The following SORCS2 variants were observed in gnomAD, a reference collection of about 807,000 sequenced individuals.
SORCS2 encodes sortilin related VPS10 domain containing receptor 2, also known as VPS10 domain-containing receptor SorCS2.
SORCS2 carries 100 observed loss-of-function variants against 141.6 expected under a neutral mutation model. The ratio of observed to expected loss-of-function variants is 0.71; its 90% CI spans 0.60 to 0.83. The LOEUF is 0.83. Among genes scored for constraint, SORCS2 ranks in the 40% least tolerant of loss-of-function variants. SORCS2 has a pLI of 0.00. For missense variants in SORCS2, 1,646 were observed against 1,560.2 expected, an observed-to-expected ratio of 1.05 and a Z score of -0.93; for synonymous variants, 789 against 676.9, an observed-to-expected ratio of 1.17 and a Z score of -2.57.
chr4:7,401,931 A>T (rs1724620300), intron 2 of SORCS2, among the ~76,000 whole-genome samples: 1 of 152,194 alleles, frequency 6.6e-6, no homozygotes. Context: ...CATATCCTGA[A>T]AAGTACCTAC....
chr4:7,499,484 G>A (rs956351592), intron 2 of SORCS2, among the ~76,000 whole-genome samples: 4 of 152,178 alleles, frequency 2.6e-5, no homozygotes, highest in African/African-American at 9.7e-5. Context: ...AGAGGTGGGG[G>A]CCTGGTCAGG....
At chr4:7,418,451 C>T (rs1052913130) in intron 2 of SORCS2, among the ~76,000 whole-genome samples, 1 of 152,096 alleles carries the variant, frequency 6.6e-6, no homozygotes, top group Non-Finnish European at 1.5e-5. Flanking sequence ...CAGAGCAGAC[C>T]ACCCATGCAA....
At position 7,193,329 on chromosome 4, in the gene SORCS2, A is replaced by G. The variant is rs966151431; in HGVS notation, c.480+203A>G. 6.6e-6 allele frequency among the ~76,000 whole-genome samples: 1 copy of G among 152,176 alleles called. No homozygotes were observed. The highest frequency in any genetic ancestry group is 1.9e-4 in the East Asian group (1 of 5,150). On this transcript the variant is annotated intron_variant, in intron 1 of 26. Coordinates refer to ENST00000507866, the MANE Select transcript of SORCS2 (RefSeq NM_020777.3). This position sits in a 1 kb window ranked among gnomAD's most constrained non-coding sequence, Gnocchi z 4.8. ...CTTGGGGAGAGGTCCTCAGATTCGT[A>G]CGCTTGTCTCACCGCAGGGGACATT...
chr4:7,623,820 G>A (rs967556035), intron 3 of SORCS2, among the ~76,000 whole-genome samples: 3 of 152,162 alleles, frequency 2.0e-5, no homozygotes, highest in Non-Finnish European at 4.4e-5. Flanking sequence ...CAAAGACAAC[G>A]AGGTTGTTCC....
rs1720778743 is a variant in SORCS2 at position 7,641,968 on chromosome 4, A to T, written c.813+3476A>T. Among the ~76,000 whole-genome samples, 8 of 143,402 alleles carry T rather than the reference A, an allele frequency of 5.6e-5. No homozygotes were observed. In the South Asian group the frequency reaches 1.9e-3, roughly 35 times the overall value. The allele number at this position is 143,402 out of a possible 152,430, so 94.1% of individuals were successfully genotyped here. A position where few individuals can be genotyped will look rare whatever the true frequency, so the allele number is the denominator to read the frequency against. On this transcript the variant is annotated intron_variant, in intron 4 of 26. Coordinates refer to ENST00000507866, the MANE Select transcript of SORCS2 (RefSeq NM_020777.3). ...GGATGAATGGATGGATGGTAGATGG[A>T]TGGGTGGATGGTGGATGGATGAATG...
chr4:7,620,506 G>A (rs1719094407), intron 3 of SORCS2, among the ~76,000 whole-genome samples: 1 of 152,202 alleles, frequency 6.6e-6, no homozygotes, highest in South Asian at 2.1e-4. Context: ...AACTTCCCAG[G>A]CGAGGGGCTC....
At chr4:7,584,709 G>T (rs987481938) in intron 3 of SORCS2, among the ~76,000 whole-genome samples, 1 of 152,160 alleles carries the variant, frequency 6.6e-6, no homozygotes, top group Admixed American at 6.5e-5. Context: ...GGCTCAGCTG[G>T]GGGGAGGTTG....
chr4:7,382,341 T>C (rs2109072192), intron 1 of SORCS2, among the ~76,000 whole-genome samples: 1 of 152,268 alleles, frequency 6.6e-6, no homozygotes, highest in African/African-American at 2.4e-5. Context: ...CTGGTATTTA[T>C]ATAACATCCC....
chr4:7,478,364 C>T (rs753088115), intron 2 of SORCS2, among the ~76,000 whole-genome samples: 2 of 152,120 alleles, frequency 1.3e-5, no homozygotes, highest in Admixed American at 6.5e-5. Flanking sequence ...TGAAATGTGC[C>T]TTCCAGGTGA....
chr4:7,253,579 G>A (rs1053819094), intron 1 of SORCS2, among the ~76,000 whole-genome samples: 5 of 152,190 alleles, frequency 3.3e-5, no homozygotes, highest in African/African-American at 1.2e-4. Context: ...AGGTGGCCAG[G>A]GCGCCCCCAG....
intron 2 of SORCS2, among the ~76,000 whole-genome samples, chr4:7,490,027 A>C (rs1278556035): frequency 6.6e-6 from 1 of 152,176 alleles, no homozygotes; most frequent in Non-Finnish European, 1.5e-5. Flanking sequence ...AGATCTCCAG[A>C]CAACAGGAGG....
chr4:7,653,250 A>C (rs1056568999), intron 4 of SORCS2, among the ~76,000 whole-genome samples: 8 of 150,600 alleles, frequency 5.3e-5, no homozygotes, highest in Non-Finnish European at 1.0e-4. Context: ...TAAAGACACA[A>C]TTTTTTTTTT....
intron 1 of SORCS2, among the ~76,000 whole-genome samples, chr4:7,371,234 C>T (rs1722227607): frequency 6.6e-6 from 1 of 152,212 alleles, no homozygotes; most frequent in African/African-American, 2.4e-5. Flanking sequence ...TGTGTACCCG[C>T]TGCAGGTCTG....
In SORCS2 at chr4:7,663,134, G is replaced by A. The variant is rs1206787780; in HGVS notation, c.953-1219G>A. 6.7e-6 allele frequency among the ~76,000 whole-genome samples: 1 copy of A among 149,918 alleles called. No individual in the cohort carries two copies. The highest frequency in any genetic ancestry group is 2.5e-5 in the African/African-American group (1 of 39,904). ...AGAGAATGAGTGAGTGGGTGAATAAGTGAGTGAGTAATTGAAAGAGTGAGT... is the reference window on the plus strand; with the variant it reads ...AGAGAATGAGTGAGTGGGTGAATAAATGAGTGAGTAATTGAAAGAGTGAGT... On this transcript the variant is annotated intron_variant, in intron 6 of 26. Transcript: ENST00000507866. The surrounding 1 kb of genome is among the most constrained non-coding windows in gnomAD (Gnocchi z 4.8).
chr4:7,462,731 G>C (rs979987378), intron 2 of SORCS2, among the ~76,000 whole-genome samples: 3 of 151,726 alleles, frequency 2.0e-5, no homozygotes, highest in Non-Finnish European at 4.4e-5. Flanking sequence ...AAGGAGGCCA[G>C]CTGGGCCCCA....
intron 12 of SORCS2, among the ~76,000 whole-genome samples, chr4:7,702,165 G>C (rs1247775792): frequency 2.0e-5 from 3 of 152,184 alleles, no homozygotes; most frequent in East Asian, 3.9e-4. Flanking sequence ...TCTGCCTGGG[G>C]TGGCTGTCCT....
chr4:7,543,759 CCCACCCA>C (rs1712950166), intron 3 of SORCS2, among the ~76,000 whole-genome samples: 1 of 36,534 alleles, frequency 2.7e-5, no homozygotes, highest in Admixed American at 2.5e-4. Flanking sequence ...CACCCATCCA[CCCACCCA>C]TCCGTCCATC....
chr4:7,376,540 T>C (rs1012068172), intron 1 of SORCS2, among the ~76,000 whole-genome samples: 1 of 152,062 alleles, frequency 6.6e-6, no homozygotes, highest in African/African-American at 2.4e-5. Flanking sequence ...TTGCGCCACT[T>C]TACTCCAGCC....
Position 7,648,647 on chromosome 4 carries a change from G to A in SORCS2, c.814-5487G>A, listed in dbSNP as rs192124848. ...GCTGCTGGGTCTACTGAGGGCGGGC[G>A]GGGAGTGAGGGGGCTGCCAAGCGGC... On this transcript the variant is annotated intron_variant, in intron 4 of 26. Coordinates refer to ENST00000507866, the MANE Select transcript of SORCS2 (RefSeq NM_020777.3). This position sits in a 1 kb window ranked among gnomAD's most constrained non-coding sequence, Gnocchi z 4.2. Among the ~76,000 whole-genome samples, 181 of 152,246 alleles carry A rather than the reference G, an allele frequency of 1.2e-3. 1 individual carries two copies. The highest frequency in any genetic ancestry group is 4.0e-3 in the African/African-American group (168 of 41,538).
Sources: gnomAD v4.1 joint callset for allele counts (sites outside exome capture counted in the v4.1 genomes callset) on GRCh38, gnomAD v4.1.1 for gene constraint, Gnocchi (gnomAD v3.1) non-coding constraint, MANE v1.5 for transcripts, NCBI Gene and HGNC (gene_info 2026-07-23, HGNC 2026-07-21) for gene names.